KLF12: variants seen among roughly 807,000 people sequenced by gnomAD.
KLF12 encodes Krueppel-like factor 12.
Under a neutral mutation model 37.8 loss-of-function variants are expected in KLF12, and 9 were observed. The observed-to-expected ratio is 0.24, with a 90% CI of 0.14 to 0.42. KLF12 has a LOEUF of 0.42. Among genes scored for constraint, KLF12 ranks in the 10% least tolerant of loss-of-function variants. The pLI is 1.00. For synonymous variants in KLF12, 208 were observed against 202.1 expected, an observed-to-expected ratio of 1.03 and a Z score of -0.25; for missense variants, 411 against 516.0, an observed-to-expected ratio of 0.80 and a Z score of 1.97.
intron 1 of KLF12, among the ~76,000 whole-genome samples, chr13:74,042,166 T>C (rs1893420939): frequency 6.6e-6 from 1 of 152,006 alleles, no homozygotes; most frequent in Non-Finnish European, 1.5e-5. Flanking sequence ...TAGCTGGGCA[T>C]AGTGGCAGGC....
chr13:73,716,092 T>C (rs1366362578), intron 6 of KLF12, among the ~76,000 whole-genome samples: 1 of 152,224 alleles, frequency 6.6e-6, no homozygotes, highest in Non-Finnish European at 1.5e-5. Context: ...ACCTGACATT[T>C]AACTTTTCTA....
chr13:73,806,316 C>T (rs1882625886), intron 5 of KLF12, among the ~76,000 whole-genome samples: 1 of 151,862 alleles, frequency 6.6e-6, no homozygotes, highest in Non-Finnish European at 1.5e-5. Flanking sequence ...GTTGGCCAGG[C>T]TGGTTTCAAA....
At chr13:73,992,659 A>T (rs1891999528) in intron 2 of KLF12, among the ~76,000 whole-genome samples, 1 of 152,230 alleles carries the variant, frequency 6.6e-6, no homozygotes, top group Admixed American at 6.5e-5. Context: ...CTGGAAACGT[A>T]CAAAACAGTT....
At chr13:73,903,452 A>C (rs1401600977) in intron 3 of KLF12, among the ~76,000 whole-genome samples, 2 of 152,252 alleles carry the variant, frequency 1.3e-5, no homozygotes, top group African/African-American at 4.8e-5. Flanking sequence ...AAACCTGGCT[A>C]TCTTTTCAGG....
chr13:73,709,883 C>T (rs1329519684), intron 7 of KLF12, among the ~76,000 whole-genome samples: 2 of 152,074 alleles, frequency 1.3e-5, no homozygotes, highest in East Asian at 1.9e-4. Context: ...TTTCCTTGAA[C>T]GCATCCCATT....
chr13:74,211,410 G>A, the KLF12 span, among the ~76,000 whole-genome samples: 1 of 152,096 alleles, frequency 6.6e-6, no homozygotes, highest in African/African-American at 2.4e-5. Flanking sequence ...TGTGAATTAG[G>A]GTTATGGTTG....
intron 5 of KLF12, among the ~76,000 whole-genome samples, chr13:73,782,127 G>C (rs1386461356): frequency 3.3e-5 from 5 of 152,192 alleles, no homozygotes; most frequent in Non-Finnish European, 7.4e-5. Context: ...CTCTAGACCA[G>C]ACTGCCGGGG....
chr13:74,235,556 G>C, the KLF12 span, among the ~76,000 whole-genome samples: 1 of 152,090 alleles, frequency 6.6e-6, no homozygotes, highest in Non-Finnish European at 1.5e-5. Flanking sequence ...TGCTGTTGTG[G>C]ATGGCCTCCC....
chr13:73,908,613 T>C (rs906710834), intron 3 of KLF12, among the ~76,000 whole-genome samples: 6 of 151,740 alleles, frequency 4.0e-5, no homozygotes, highest in African/African-American at 1.2e-4. Flanking sequence ...TCAGAGTAGC[T>C]GGGATTACAG....
chr13:74,054,043 T>C (rs1283078557), intron 1 of KLF12, among the ~76,000 whole-genome samples: 1 of 152,144 alleles, frequency 6.6e-6, no homozygotes, highest in African/African-American at 2.4e-5. Flanking sequence ...CAAGAAACAT[T>C]TGCATGTATT....
the KLF12 span, among the ~76,000 whole-genome samples, chr13:74,222,356 T>C: frequency 2.6e-5 from 4 of 152,226 alleles, no homozygotes; most frequent in African/African-American, 4.8e-5. Flanking sequence ...GATGTTTTGG[T>C]AAGTTCCATG....
chr13:74,046,070 G>A (rs778259116), intron 1 of KLF12, among the ~76,000 whole-genome samples: 1 of 152,160 alleles, frequency 6.6e-6, no homozygotes, highest in Non-Finnish European at 1.5e-5. Context: ...CTATCAATCA[G>A]TCTATAGTAA....
At chr13:74,083,906 A>AT (rs1349838198) in intron 1 of KLF12, among the ~76,000 whole-genome samples, 1 of 152,182 alleles carries the variant, frequency 6.6e-6, no homozygotes, top group African/African-American at 2.4e-5. Context: ...AGCAGGTGGC[A>AT]TATGAACTAG....
chr13:73,750,762 C>G (rs1594046468), intron 6 of KLF12, among the ~76,000 whole-genome samples: 1 of 152,126 alleles, frequency 6.6e-6, no homozygotes, highest in East Asian at 1.9e-4. Flanking sequence ...AATGCATTAG[C>G]TATTTTTTTC....
chr13:74,007,938 C>T (rs1892457662), intron 1 of KLF12, among the ~76,000 whole-genome samples: 1 of 148,858 alleles, frequency 6.7e-6, no homozygotes, highest in Admixed American at 6.7e-5. Flanking sequence ...AAAGTGCACA[C>T]AATTTGAGTC....
the KLF12 span, among the ~76,000 whole-genome samples, chr13:74,283,308 A>C: frequency 6.6e-6 from 1 of 152,250 alleles, no homozygotes; most frequent in East Asian, 1.9e-4. Context: ...TCCTTTGATT[A>C]CTAAAAATAC....
At chr13:74,021,195 T>C (rs1443058780) in intron 1 of KLF12, among the ~76,000 whole-genome samples, 4 of 152,018 alleles carry the variant, frequency 2.6e-5, no homozygotes. Context: ...ATGAGAAAAA[T>C]CAGTTTGATG....
At chr13:73,897,922 C>A (rs1887862612) in intron 3 of KLF12, among the ~76,000 whole-genome samples, 1 of 152,200 alleles carries the variant, frequency 6.6e-6, no homozygotes, top group African/African-American at 2.4e-5. Flanking sequence ...AATAAGCCCA[C>A]TCCTATGAGC....
chr13:73,989,200 C>T (rs1471757474), intron 2 of KLF12, among the ~76,000 whole-genome samples: 2 of 152,170 alleles, frequency 1.3e-5, no homozygotes, highest in African/African-American at 4.8e-5. Flanking sequence ...AACCCTCCAC[C>T]TTTAGTGAGA....
Sources: allele counts gnomAD v4.1 joint callset (sites outside exome capture counted in the v4.1 genomes callset), GRCh38; gene constraint gnomAD v4.1.1; transcripts MANE v1.5; gene names NCBI Gene and HGNC (gene_info 2026-07-23, HGNC 2026-07-21).